Variants in KANSL1 observed in about 807,000 individuals in gnomAD.
KANSL1 encodes KAT8 regulatory NSL complex subunit 1.
In KANSL1, 22 loss-of-function variants were observed where a neutral mutation model predicts 103.6. That is an observed-to-expected ratio of 0.21 (90% CI 0.15 to 0.30). KANSL1 has a LOEUF of 0.30. Ranked by LOEUF, KANSL1 falls within the 10% of genes least tolerant of loss-of-function variation. The pLI is 1.00. For synonymous variants in KANSL1, 600 were observed against 527.6 expected (o/e 1.14, Z -1.88); for missense variants, 1,337 against 1,399.8 (o/e 0.96, Z 0.72).
At position 46,067,619 on chromosome 17, in the gene KANSL1, C is replaced by G; in HGVS notation, c.1582G>C (p.Gly528Arg). 1 of 1,607,300 alleles carries G rather than the reference C, an allele frequency of 6.2e-7. No individual in the cohort carries two copies. The highest frequency in any genetic ancestry group is 8.5e-7 in the Non-Finnish European group (1 of 1,173,934). Reference sequence around the variant, plus strand: ...GTAGACAGTGACTCTGAAATATGACCAATAATAGGGGCACCATGGTTTTCC... The same window carrying G: ...GTAGACAGTGACTCTGAAATATGACGAATAATAGGGGCACCATGGTTTTCC... The part of the protein sequence containing the change: ...PLENHGAPII[G>R]HISESLSTKS... Residue 528 changes from glycine (G) to arginine (R), a missense_variant, in exon 5 of 15, where the codon GGT becomes CGT. By Grantham distance (125) the Gly-to-Arg change is moderately radical. Transcript: ENST00000432791.
intron 1 of KANSL1, among the ~76,000 whole-genome samples, chr17:46,178,408 G>A (rs551270748): frequency 6.6e-5 from 10 of 152,314 alleles, no homozygotes; most frequent in South Asian, 2.1e-4. Context: ...CTAATTTACC[G>A]GTGGGGATAA....
intron 4 of KANSL1, among the ~76,000 whole-genome samples, chr17:46,078,075 ATTTTTGTTCTAGCAGGCATAC>A (rs1267215656): frequency 6.6e-6 from 1 of 152,110 alleles, no homozygotes; most frequent in African/African-American, 2.4e-5. Context: ...AAGAGTGTTG[ATTTTTGTTCTAGCAGGCATAC>A]TACTACTACC....
chr17:46,064,053 T>TAAAAAAAAAA (rs58111244), intron 6 of KANSL1, among the ~76,000 whole-genome samples: 10 of 105,660 alleles, frequency 9.5e-5, no homozygotes, highest in South Asian at 3.5e-4. Flanking sequence ...CGACTATTAG[T>TAAAAAAAAAA]AAAAAAAAAA....
At chr17:46,218,311 C>T (rs1214145577) in intron 1 of KANSL1, among the ~76,000 whole-genome samples, 1 of 152,240 alleles carries the variant, frequency 6.6e-6, no homozygotes, top group Non-Finnish European at 1.5e-5. Context: ...GTTCTAAACA[C>T]TCTGCGTGAA....
chr17:46,174,146 T>C (rs561152273), intron 1 of KANSL1, among the ~76,000 whole-genome samples: 4 of 152,356 alleles, frequency 2.6e-5, no homozygotes, highest in Non-Finnish European at 5.9e-5. Context: ...TCAACAATCA[T>C]GAACTTAAAC....
At chr17:46,145,930 T>C (rs1378776976) in intron 2 of KANSL1, among the ~76,000 whole-genome samples, 2 of 152,220 alleles carry the variant, frequency 1.3e-5, no homozygotes, top group African/African-American at 2.4e-5. Flanking sequence ...GGTTTCACCA[T>C]GTTGGCTAGG....
At chr17:46,124,216 C>T (rs564436690) in intron 2 of KANSL1, among the ~76,000 whole-genome samples, 7 of 152,294 alleles carry the variant, frequency 4.6e-5, no homozygotes, top group East Asian at 3.9e-4. Flanking sequence ...CTGGGCAACA[C>T]GGCAAGACCC....
rs755090690 is a variant in KANSL1, at chr17:46,171,474, T to C, written c.670A>G (p.Ser224Gly). The C allele has an allele frequency of 2.5e-6, 4 of 1,614,172 alleles. No individual in the cohort carries two copies. The South Asian group carries it at 3.3e-5, about 13-fold the overall frequency. The change falls in exon 2 of 15, where the codon AGC (serine) becomes GGC (glycine). Residue 224 changes from serine to glycine, a missense_variant. By Grantham distance (56) the Ser-to-Gly change is moderately conservative (BLOSUM62 0). Coordinates refer to ENST00000432791, the MANE Select transcript of KANSL1 (RefSeq NM_015443.4). Reference protein sequence around the residue: ...SLDVEHTTLYSNNSTANKSSV... With the variant: ...SLDVEHTTLYGNNSTANKSSV... ...GATTTGTTTGCAGTGCTATTATTGCTATACAAAGTTGTGTGTTCTACATCA... is the reference window on the plus strand; with the variant it reads ...GATTTGTTTGCAGTGCTATTATTGCCATACAAAGTTGTGTGTTCTACATCA...
At chr17:46,160,686 G>A (rs937260810) in intron 2 of KANSL1, among the ~76,000 whole-genome samples, 7 of 152,130 alleles carry the variant, frequency 4.6e-5, no homozygotes, top group African/African-American at 1.7e-4. Context: ...AGATACATAT[G>A]GCCATTATAC....
intron 2 of KANSL1, among the ~76,000 whole-genome samples, chr17:46,145,373 T>C (rs1046783358): frequency 6.6e-6 from 1 of 152,378 alleles, no homozygotes. Flanking sequence ...ATTTATGCAA[T>C]AAACTTTCTA....
At chr17:46,098,823 T>C (rs1021623267) in intron 2 of KANSL1, among the ~76,000 whole-genome samples, 21 of 152,170 alleles carry the variant, frequency 1.4e-4, no homozygotes, top group African/African-American at 5.1e-4. Context: ...CAATGAAAAA[T>C]GGAAAACCAC....
chr17:46,068,437 C>T (rs1256217425), intron 4 of KANSL1, among the ~76,000 whole-genome samples: 1 of 151,890 alleles, frequency 6.6e-6, no homozygotes, highest in Non-Finnish European at 1.5e-5. Context: ...CATGGTGGTG[C>T]GTGCATGTAG....
At position 46,171,189 on chromosome 17, in the gene KANSL1, G is replaced by C; in HGVS notation, c.955C>G (p.His319Asp). ...TTCTCCAAAAATCCACCCAGCTGATGTTGTATATGCCTCTCAACCTGCTTG... is the reference window on the plus strand; with the variant it reads ...TTCTCCAAAAATCCACCCAGCTGATCTTGTATATGCCTCTCAACCTGCTTG... ...QAKQVERHIQ[H>D]QLGGFLEKTL... is the part of the protein sequence containing the mutation. The change falls in exon 2 of 15, where the codon CAT becomes GAT. Residue 319 changes from histidine to aspartate, a missense_variant. His to Asp is a moderately conservative substitution (Grantham distance 81, BLOSUM62 -1). Transcript: ENST00000432791. 6.2e-7 allele frequency: 1 copy of C among 1,614,148 alleles called. No homozygotes were observed. The highest frequency in any genetic ancestry group is 1.3e-5 in the African/African-American group (1 of 75,022).
chr17:46,038,447 T>G lies in KANSL1; in HGVS notation c.2541+91A>C, dbSNP rs559572431. On this transcript the variant is annotated intron_variant, in intron 10 of 14. Coordinates refer to ENST00000432791, the MANE Select transcript of KANSL1 (RefSeq NM_015443.4). ...GAGATCCTATAAATGCCCTGGGCTT[T>G]ATAACCCACCCTCACACTGTCCTCT... is the stretch of plus-strand genomic sequence containing the variant. The G allele has an allele frequency of 1.1e-5, 16 of 1,418,224 alleles. 1 individual carries two copies. In the East Asian group the frequency reaches 3.6e-4, roughly 32 times the overall value. The allele number at this position is 1,418,224 out of a possible 1,614,324, so 87.9% of individuals were successfully genotyped here.
At chr17:46,165,358 G>C (rs1182140222) in intron 2 of KANSL1, among the ~76,000 whole-genome samples, 1 of 150,356 alleles carries the variant, frequency 6.7e-6, no homozygotes, top group African/African-American at 2.4e-5. Context: ...TCAGCCTCCC[G>C]AGTAGCTGGG....
chr17:46,207,168 A>G (rs1327411281), intron 1 of KANSL1, among the ~76,000 whole-genome samples: 1 of 152,142 alleles, frequency 6.6e-6, no homozygotes, highest in Non-Finnish European at 1.5e-5. Context: ...CTAGCTACTC[A>G]GGAGCTTGAG....
chr17:46,217,296 T>C (rs666494), intron 1 of KANSL1, among the ~76,000 whole-genome samples: 1 of 151,688 alleles, frequency 6.6e-6, no homozygotes, highest in Non-Finnish European at 1.5e-5. Context: ...GCCAATGTGG[T>C]GAAACCCCAT....
At chr17:46,203,247 A>T (rs2047863096) in intron 1 of KANSL1, among the ~76,000 whole-genome samples, 1 of 152,244 alleles carries the variant, frequency 6.6e-6, no homozygotes, top group Admixed American at 6.5e-5. Flanking sequence ...CTCAAAAAAA[A>T]AGAAAGAAAT....
At chr17:46,064,959 G>A (rs114593923) in intron 6 of KANSL1, among the ~76,000 whole-genome samples, 2 of 151,220 alleles carry the variant, frequency 1.3e-5, no homozygotes, top group African/African-American at 2.4e-5. Context: ...GTATACGTGT[G>A]TTTTTTTTGT....
Sources: allele counts gnomAD v4.1 joint callset (sites outside exome capture counted in the v4.1 genomes callset), GRCh38; gene constraint gnomAD v4.1.1; transcripts MANE v1.5; gene names NCBI Gene and HGNC (gene_info 2026-07-23, HGNC 2026-07-21).